BRWD3: variants seen among roughly 807,000 people sequenced by gnomAD.
BRWD3 encodes the protein bromodomain and WD repeat domain containing 3.
BRWD3 carries 10 observed loss-of-function variants against 149.7 expected under a neutral mutation model. That is an observed-to-expected ratio of 0.07 (90% CI 0.04 to 0.11). The LOEUF (loss-of-function observed/expected upper bound fraction) is 0.11, where lower values mean the gene tolerates loss of function less well. Among genes scored for constraint, BRWD3 ranks in the 10% least tolerant of loss-of-function variants. The pLI, the probability that BRWD3 is intolerant of heterozygous loss-of-function variation, is 1.00. For missense variants in BRWD3, 940 were observed against 1,373.2 expected (o/e 0.68, Z 4.99); for synonymous variants, 504 against 456.7 (o/e 1.10, Z -1.32).
At chrX:80,712,229 G>T (rs1190539130) in intron 20 of BRWD3, among the ~76,000 whole-genome samples, 1 of 111,223 alleles carries the variant, frequency 9.0e-6, no homozygotes, top group African/African-American at 3.3e-5. Flanking sequence ...CTGCCATCTC[G>T]GCTCACTGCA....
chrX:80,722,856 T>G, intron 16 of BRWD3, 69 bp from the exon 17 acceptor site: 2 of 924,582 alleles, frequency 2.2e-6, no homozygotes, highest in Non-Finnish European at 3.1e-6. Context: ...TTTTCATTCC[T>G]TGAGCACACT....
At chrX:80,770,001 A>C (rs992972815) in intron 6 of BRWD3, among the ~76,000 whole-genome samples, 1 of 111,915 alleles carries the variant, frequency 8.9e-6, no homozygotes, top group African/African-American at 3.3e-5. Context: ...AAAAATCTAG[A>C]AGAAATGGAT....
intron 34 of BRWD3, among the ~76,000 whole-genome samples, chrX:80,687,326 G>T (rs760341833): frequency 7.2e-5 from 8 of 111,117 alleles, no homozygotes; most frequent in African/African-American, 2.3e-4. Context: ...ATATTTGCCG[G>T]TAGTTAAGTA....
At chrX:80,690,147 T>C (rs2072592341) in intron 31 of BRWD3, 55 bp from the exon 32 acceptor site, 2 of 1,127,549 alleles carry the variant, frequency 1.8e-6, no homozygotes, top group Non-Finnish European at 2.4e-6. Context: ...AAGTATATTT[T>C]AGGAATATAC....
chrX:80,726,136 T>C (rs2073235462), intron 14 of BRWD3, among the ~76,000 whole-genome samples: 1 of 108,696 alleles, frequency 9.2e-6, no homozygotes, highest in Admixed American at 9.7e-5. Flanking sequence ...CACGTTTACA[T>C]ATGTCTGTAT....
chrX:80,741,162 C>A (rs749280645), intron 8 of BRWD3, among the ~76,000 whole-genome samples: 1 of 109,919 alleles, frequency 9.1e-6, no homozygotes, highest in Non-Finnish European at 1.9e-5. Flanking sequence ...ATGCGGTGTT[C>A]GGTTTTTTGT....
chrX:80,793,069 G>A (rs2074198617), intron 5 of BRWD3, among the ~76,000 whole-genome samples: 1 of 100,341 alleles, frequency 1.0e-5, no homozygotes, highest in African/African-American at 3.6e-5. Context: ...GGCTAAGGCA[G>A]GAGAATTGCT....
intron 6 of BRWD3, among the ~76,000 whole-genome samples, chrX:80,771,879 G>A (rs770892634): frequency 2.7e-5 from 3 of 111,625 alleles, no homozygotes; most frequent in Admixed American, 1.9e-4. Context: ...GCTCATCATC[G>A]CTGGCCATCA....
At chrX:80,678,470 T>C (rs2072398706) in intron 40 of BRWD3, among the ~76,000 whole-genome samples, 1 of 111,378 alleles carries the variant, frequency 9.0e-6, no homozygotes, top group Non-Finnish European at 1.9e-5. Flanking sequence ...AAGACATTTT[T>C]TTAAAAAAAA....
At chrX:80,777,761 C>T (rs2074014321) in intron 6 of BRWD3, among the ~76,000 whole-genome samples, 1 of 111,184 alleles carries the variant, frequency 9.0e-6, no homozygotes, top group African/African-American at 3.3e-5. Context: ...TACCTGCAAT[C>T]ATTAAAGTTA....
chrX:80,748,086 G>A (rs995249378), intron 6 of BRWD3, among the ~76,000 whole-genome samples: 28 of 111,321 alleles, frequency 2.5e-4, no homozygotes, highest in African/African-American at 9.1e-4. Flanking sequence ...CAGATGATTC[G>A]CCCACCTCAG....
chrX:80,736,642 A>T (rs2073408399), intron 8 of BRWD3, among the ~76,000 whole-genome samples: 1 of 111,839 alleles, frequency 8.9e-6, no homozygotes. Context: ...AATAATGTAA[A>T]ATAGTTCAAA....
At position 80,703,240 on chromosome X, in the gene BRWD3, T is replaced by C. The variant is rs747754613; in HGVS notation, c.2835+240A>G. On this transcript the variant is annotated intron_variant, in intron 24 of 40. Coordinates refer to ENST00000373275, the MANE Select transcript of BRWD3 (RefSeq NM_153252.5). Reference sequence around the variant, plus strand: ...TTATTTTTATGACTTCACAAGCTGATTAATTTATCTCAATATTCAATGAGC... The same window carrying C: ...TTATTTTTATGACTTCACAAGCTGACTAATTTATCTCAATATTCAATGAGC... Among the ~76,000 whole-genome samples, 3 of 111,156 alleles carry C rather than the reference T, an allele frequency of 2.7e-5. No individual in the cohort carries two copies. The South Asian group carries it at 1.1e-3, about 42-fold the overall frequency.
In BRWD3 at chrX:80,682,605, T is replaced by A; in HGVS notation, c.4257A>T (p.Leu1419Phe). 8.3e-7 allele frequency: 1 copy of A among 1,208,851 alleles called. No individual in the cohort carries two copies. The highest frequency in any genetic ancestry group is 1.1e-6 in the Non-Finnish European group (1 of 893,226). The change falls in exon 38 of 41, where the codon TTA (leucine) becomes TTT (phenylalanine). Residue 1419 changes from leucine (L) to phenylalanine (F), a missense_variant. Around this residue, in one of 6 missense-constraint regions of BRWD3, gnomAD observed 349 missense variants for 419.6 expected, o/e 0.83. Coordinates refer to ENST00000373275, the MANE Select transcript of BRWD3 (RefSeq NM_153252.5). The part of the protein sequence containing the change: ...KSRIYSMMLR[L>F]SALFESHIKN... ...TGATATGACTTTCAAATAAGGCAGA[T>A]AATCGCAGCATCATGCTATAGATCT...
At chrX:80,722,067 T>C (rs2073158894) in intron 17 of BRWD3, among the ~76,000 whole-genome samples, 2 of 111,846 alleles carry the variant, frequency 1.8e-5, no homozygotes, top group South Asian at 3.8e-4. Flanking sequence ...AGGCTGGTCT[T>C]GAATGCCTAA....
chrX:80,698,942 G>A (rs751729764), intron 25 of BRWD3, among the ~76,000 whole-genome samples: 5 of 110,830 alleles, frequency 4.5e-5, no homozygotes, highest in South Asian at 3.9e-4. Flanking sequence ...AGCTGGGCAC[G>A]GTGGCTCATG....
intron 8 of BRWD3, among the ~76,000 whole-genome samples, chrX:80,739,515 G>C (rs973829016): frequency 6.3e-5 from 7 of 111,287 alleles, no homozygotes; most frequent in Non-Finnish European, 1.3e-4. Flanking sequence ...GAAAGAGTAT[G>C]ATAGAGAGGT....
At chrX:80,713,386 C>A (rs1007633491) in intron 20 of BRWD3, among the ~76,000 whole-genome samples, 4 of 112,149 alleles carry the variant, frequency 3.6e-5, no homozygotes, top group African/African-American at 9.8e-5. Flanking sequence ...GATCTATGAC[C>A]TTAACCCCAA....
chrX:80,694,596 A>G (rs1397095340), intron 27 of BRWD3, among the ~76,000 whole-genome samples: 1 of 111,655 alleles, frequency 9.0e-6, no homozygotes, highest in Non-Finnish European at 1.9e-5. Context: ...ATGGGAACTC[A>G]CCTCTTGCAT....
Sources: gnomAD v4.1 joint callset for allele counts (sites outside exome capture counted in the v4.1 genomes callset) on GRCh38, gnomAD v4.1.1 for gene constraint, gnomAD v4.1.1 regional missense constraint, MANE v1.5 for transcripts, NCBI Gene and HGNC (gene_info 2026-07-23, HGNC 2026-07-21) for gene names.